Variants in GOLGA6C observed in about 807,000 individuals in gnomAD.
The protein encoded by GOLGA6C is golgin A6 family member C, also known as golgin subfamily A member 6C.
Under a neutral mutation model 57.5 loss-of-function variants are expected in GOLGA6C, and 3 were observed. That is an observed-to-expected ratio of 0.05 (90% CI 0.02 to 0.13). The LOEUF (loss-of-function observed/expected upper bound fraction) is 0.13, where lower values mean the gene tolerates loss of function less well. Among genes scored for constraint, GOLGA6C ranks in the 10% least tolerant of loss-of-function variants. GOLGA6C has a pLI of 1.00. For synonymous variants in GOLGA6C, 32 were observed against 203.8 expected, an observed-to-expected ratio of 0.16 and a Z score of 7.18; for missense variants, 88 against 525.6, an observed-to-expected ratio of 0.17 and a Z score of 8.14.
Position 75,272,642 on chromosome 15 carries a change from A to G in GOLGA6C, c.*2443A>G, listed in dbSNP as rs1335976716. Among the ~76,000 whole-genome samples, 6 of 152,212 alleles carry G rather than the reference A, an allele frequency of 3.9e-5. No individual in the cohort carries two copies. The East Asian group carries it at 1.2e-3, about 29-fold the overall frequency. Reference sequence around the variant, plus strand: ...GATTAAATCACACACCGGCATATTTAAGCTGAATGTCAGTCTGGAAAATGA... The same window carrying G: ...GATTAAATCACACACCGGCATATTTGAGCTGAATGTCAGTCTGGAAAATGA... On this transcript the variant is annotated 3_prime_UTR_variant, in exon 18 of 18. Coordinates refer to ENST00000300576, the MANE Select transcript of GOLGA6C (RefSeq NM_001164404.2).
chr15:75,258,882 C>T (rs2070720474), intron 1 of GOLGA6C, among the ~76,000 whole-genome samples, 200 bp downstream of exon 1: 2 of 151,442 alleles, frequency 1.3e-5, no homozygotes, highest in Admixed American at 1.3e-4. Flanking sequence ...CTGCCCTCGC[C>T]AATCACCCTG....
In GOLGA6C at chr15:75,259,035, C is replaced by T. The variant is rs577450770; in HGVS notation, c.84+353C>T. ...TCCCCCAGCCCCAACCCCCCAGCAT[C>T]GCCAGTCATCCCGGGGTGACTTTGG... On this transcript the variant is annotated intron_variant, in intron 1 of 17. Coordinates refer to ENST00000300576, the MANE Select transcript of GOLGA6C (RefSeq NM_001164404.2). Among the ~76,000 whole-genome samples the T allele has an allele frequency of 9.7e-4, 145 of 150,112 alleles. 1 individual carries two copies. The highest frequency in any genetic ancestry group is 3.5e-3 in the African/African-American group (140 of 40,284).
At chr15:75,264,443 TG>T (rs2070747964) in intron 7 of GOLGA6C, among the ~76,000 whole-genome samples, 2 of 132,436 alleles carry the variant, frequency 1.5e-5, no homozygotes, top group South Asian at 2.5e-4. Context: ...GAAAGGGGTG[TG>T]TGTGTGTGTG....
At position 75,273,028 on chromosome 15, in the gene GOLGA6C, T is replaced by G. The variant is rs1242160804; in HGVS notation, c.*2829T>G. On this transcript the variant is annotated 3_prime_UTR_variant, in exon 18 of 18. Transcript: ENST00000300576. The stretch of plus-strand genomic sequence containing the variant: ...AGTATTTGTTTAACCTGATGGGTTT[T>G]CCAGAAATGAAAACAAGTCAGTTCT... Among the ~76,000 whole-genome samples the G allele has an allele frequency of 9.2e-5, 14 of 151,936 alleles. No individual in the cohort carries two copies. Among genetic ancestry groups the G allele is most frequent in the Admixed American group, 2.6e-4 (4 of 15,240 alleles).
At chr15:75,259,183 C>A (rs530958609) in intron 1 of GOLGA6C, among the ~76,000 whole-genome samples, 3 of 151,886 alleles carry the variant, frequency 2.0e-5, no homozygotes, top group African/African-American at 7.3e-5. Context: ...CCACGTCCCC[C>A]CTCCCCCATC....
Position 75,272,817 on chromosome 15 carries a change from A to G in GOLGA6C, c.*2618A>G, listed in dbSNP as rs1295268352. ...TTTGCAATACCTCATTCAGCCAAGT[A>G]TTTGTTCTCTTCCTCATTCAGTTTA... On this transcript the variant is annotated 3_prime_UTR_variant, in exon 18 of 18. Coordinates refer to ENST00000300576, the MANE Select transcript of GOLGA6C (RefSeq NM_001164404.2). 6.6e-6 allele frequency among the ~76,000 whole-genome samples: 1 copy of G among 151,840 alleles called. No homozygotes were observed. Among genetic ancestry groups the G allele is most frequent in the African/African-American group, 2.4e-5 (1 of 41,052 alleles).
intron 1 of GOLGA6C, among the ~76,000 whole-genome samples, chr15:75,259,140 G>C (rs1350198724): frequency 6.6e-6 from 1 of 152,066 alleles, no homozygotes; most frequent in Non-Finnish European, 1.5e-5. Context: ...TGGGCTCTCT[G>C]GGCTGGCACC....
rs2636845 is a variant in GOLGA6C at position 75,270,154 on chromosome 15, G to T, written c.2037G>T (p.Pro679=). ...AREGSPHDNP[P]VQQIVQLSPV... is the part of the protein sequence containing the mutation. ...AGGGTTCTCCCCATGACAACCCCCC[G>T]GTACAGCAGATCGTGCAGCTGTCTC... The change falls in exon 18 of 18, where the codon CCG becomes CCT. Residue 679 remains proline (P), a synonymous_variant. Coordinates refer to ENST00000300576, the MANE Select transcript of GOLGA6C (RefSeq NM_001164404.2). 10,186 of 1,586,064 alleles carry T rather than the reference G, an allele frequency of 6.4e-3. 1,733 individuals carry two copies. The African/African-American group carries it at 0.12, about 18-fold the overall frequency.
rs1482491544 is a variant in GOLGA6C at position 75,270,457 on chromosome 15, G to A, written c.*258G>A. Among the ~76,000 whole-genome samples the A allele has an allele frequency of 3.4e-5, 4 of 118,350 alleles. No homozygotes were observed. Among genetic ancestry groups the A allele is most frequent in the Admixed American group, 2.0e-4 (2 of 10,202 alleles). The allele number at this position is 118,350 out of a possible 152,430, so 77.6% of individuals were successfully genotyped here. ...AAGGGAGAGTTGGTCTTTCCCTGAT[G>A]TTCTTTCTGGCATCCTTTAGCATTT... On this transcript the variant is annotated 3_prime_UTR_variant, in exon 18 of 18. Coordinates refer to ENST00000300576, the MANE Select transcript of GOLGA6C (RefSeq NM_001164404.2).
chr15:75,265,096 A>T lies in GOLGA6C; in HGVS notation c.565-26A>T. 7 of 1,585,090 alleles carry T rather than the reference A, an allele frequency of 4.4e-6. 1 individual carries two copies. The highest frequency in any genetic ancestry group is 6.0e-6 in the Non-Finnish European group (7 of 1,162,998). On this transcript the variant is annotated intron_variant, in intron 7 of 17. Transcript: ENST00000300576. ...GGGCACTGCCCGGGCTCCCCAGATC[A>T]AAACTTCTCACTCTTCACCATCCAG... is the stretch of plus-strand genomic sequence containing the variant.
intron 4 of GOLGA6C, 88 bp from the exon 5 acceptor site, chr15:75,263,559 TG>T: frequency 7.0e-7 from 1 of 1,431,988 alleles, no homozygotes; most frequent in Non-Finnish European, 9.8e-7. Context: ...GGGCCTGTCC[TG>T]GGGCATTGGT....
At position 75,260,308 on chromosome 15, in the gene GOLGA6C, G is replaced by A; in HGVS notation, c.85-65G>A. The A allele has an allele frequency of 3.1e-6, 5 of 1,591,188 alleles. 1 individual carries two copies. Among genetic ancestry groups the A allele is most frequent in the Non-Finnish European group, 4.3e-6 (5 of 1,170,030 alleles). On this transcript the variant is annotated intron_variant, in intron 1 of 17. Coordinates refer to ENST00000300576, the MANE Select transcript of GOLGA6C (RefSeq NM_001164404.2). ...TGTATAAGAGTATTTTGCAAAAACTGTAAGGAGGGTGTGGCTGTAAGGGCT... is the reference window on the plus strand; with the variant it reads ...TGTATAAGAGTATTTTGCAAAAACTATAAGGAGGGTGTGGCTGTAAGGGCT...
rs1179706959 is a variant in GOLGA6C, at chr15:75,270,372, A to G, written c.*173A>G. Among the ~76,000 whole-genome samples the G allele has an allele frequency of 7.0e-6, 1 of 143,374 alleles. No homozygotes were observed. The highest frequency in any genetic ancestry group is 1.5e-5 in the Non-Finnish European group (1 of 66,738). The allele number at this position is 143,374 out of a possible 152,430, so 94.1% of individuals were successfully genotyped here. A position where few individuals can be genotyped will look rare whatever the true frequency, so the allele number is the denominator to read the frequency against. ...AATTCATTTACTCCATTTGAATGCT[A>G]GAGCCACTCACATTTATTTGTGTTT... On this transcript the variant is annotated 3_prime_UTR_variant, in exon 18 of 18. Coordinates refer to ENST00000300576, the MANE Select transcript of GOLGA6C (RefSeq NM_001164404.2).
chr15:75,270,156 T>A lies in GOLGA6C; in HGVS notation c.2039T>A (p.Val680Glu), dbSNP rs1387271667. 6.9e-6 allele frequency: 11 copies of A among 1,592,222 alleles called. No homozygotes were observed. The highest frequency in any genetic ancestry group is 9.4e-6 in the Non-Finnish European group (11 of 1,174,486). The change falls in exon 18 of 18, where the codon GTA (valine) becomes GAA (glutamate). Residue 680 changes from valine (V) to glutamate (E), a missense_variant. Physicochemically the swap from Val to Glu is moderately radical, Grantham distance 121. Transcript: ENST00000300576. ...GGTTCTCCCCATGACAACCCCCCGG[T>A]ACAGCAGATCGTGCAGCTGTCTCCT... The part of the protein sequence containing the change: ...REGSPHDNPP[V>E]QQIVQLSPVM...
At chr15:75,265,952 C>T (rs2070759960) in intron 10 of GOLGA6C, among the ~76,000 whole-genome samples, 153 bp from the exon 11 acceptor site, 1 of 146,756 alleles carries the variant, frequency 6.8e-6, no homozygotes, top group African/African-American at 2.5e-5. Flanking sequence ...AATTGGCTAC[C>T]ATTGGGTGCG....
At chr15:75,265,040 G>T in intron 7 of GOLGA6C, 82 bp from the exon 8 acceptor site, 1 of 1,544,270 alleles carries the variant, frequency 6.5e-7, no homozygotes, top group East Asian at 2.3e-5. Flanking sequence ...TAACCGAGTT[G>T]TATATTGAGC....
At chr15:75,269,198 G>A (rs1403564239) in intron 14 of GOLGA6C, among the ~76,000 whole-genome samples, 1 of 146,578 alleles carries the variant, frequency 6.8e-6, no homozygotes, top group East Asian at 2.0e-4. Flanking sequence ...GCACGGCTAT[G>A]TGGGCAGCGG....
chr15:75,269,191 C>T (rs1379562853), intron 14 of GOLGA6C, among the ~76,000 whole-genome samples: 6 of 146,388 alleles, frequency 4.1e-5, no homozygotes, highest in African/African-American at 1.3e-4. Flanking sequence ...GGAGCAGGCA[C>T]GGCTATGTGG....
chr15:75,270,255 A>G lies in GOLGA6C; in HGVS notation c.*56A>G, dbSNP rs1164211497. ...GTGCCATTCTTCTACCAGGCAGCCG[A>G]GAACAGGGAGATAAACATCATCATC... On this transcript the variant is annotated 3_prime_UTR_variant, in exon 18 of 18. Coordinates refer to ENST00000300576, the MANE Select transcript of GOLGA6C (RefSeq NM_001164404.2). 7.0e-6 allele frequency: 11 copies of G among 1,567,418 alleles called. No homozygotes were observed. The highest frequency in any genetic ancestry group is 1.5e-5 in the African/African-American group (1 of 68,434).
Sources: gnomAD v4.1 joint callset for allele counts (sites outside exome capture counted in the v4.1 genomes callset) on GRCh38, gnomAD v4.1.1 for gene constraint, MANE v1.5 for transcripts, NCBI Gene and HGNC (gene_info 2026-07-23, HGNC 2026-07-21) for gene names.